Variants in GRID2 observed in about 807,000 individuals in gnomAD.
GRID2 encodes glutamate receptor ionotropic, delta-2.
GRID2 carries 33 observed loss-of-function variants against 114.8 expected under a neutral mutation model. The observed-to-expected ratio is 0.29, with a 90% CI of 0.22 to 0.38. GRID2 has a LOEUF of 0.38. Ranked by LOEUF, GRID2 falls within the 10% of genes least tolerant of loss-of-function variation. The pLI, the probability that GRID2 is intolerant of heterozygous loss-of-function variation, is 1.00. For missense variants in GRID2, 1,184 were observed against 1,257.7 expected, an observed-to-expected ratio of 0.94 and a Z score of 0.89; for synonymous variants, 505 against 449.9, an observed-to-expected ratio of 1.12 and a Z score of -1.55.
In GRID2 at chr4:93,232,274, A is replaced by T. The variant is rs1746238696; in HGVS notation, c.1126-6097A>T. Among the ~76,000 whole-genome samples, 5 of 152,278 alleles carry T rather than the reference A, an allele frequency of 3.3e-5. 1 individual carries two copies. In the South Asian group the frequency reaches 1.0e-3, roughly 32 times the overall value. ...TCAAAATTATGTGATTGCACATAAA[A>T]TCACTGGACATTTTCTATGTATTCT... On this transcript the variant is annotated intron_variant, in intron 7 of 15. Coordinates refer to ENST00000282020, the MANE Select transcript of GRID2 (RefSeq NM_001510.4).
intron 1 of GRID2, among the ~76,000 whole-genome samples, chr4:92,566,743 A>C (rs2149187747): frequency 1.3e-5 from 2 of 152,172 alleles, no homozygotes; most frequent in Middle Eastern, 6.8e-3. Flanking sequence ...TAACTATGAA[A>C]ACTAGAAATA....
chr4:92,427,159 A>G (rs1579340062), intron 1 of GRID2, among the ~76,000 whole-genome samples: 1 of 152,156 alleles, frequency 6.6e-6, no homozygotes, highest in Non-Finnish European at 1.5e-5. Flanking sequence ...TATCAGAAGG[A>G]TGCTCCAAAT....
chr4:92,719,233 C>T (rs944451653), intron 2 of GRID2, among the ~76,000 whole-genome samples: 4 of 152,050 alleles, frequency 2.6e-5, no homozygotes, highest in Non-Finnish European at 4.4e-5. Context: ...ATGATCCACT[C>T]GCCTCAGTCT....
At chr4:92,407,059 C>T (rs888368762) in intron 1 of GRID2, among the ~76,000 whole-genome samples, 3 of 150,442 alleles carry the variant, frequency 2.0e-5, no homozygotes, top group Non-Finnish European at 3.0e-5. Context: ...AAGCAAGGCA[C>T]CTCTTACATG....
chr4:92,751,394 GTATT>G (rs530764834), intron 2 of GRID2, among the ~76,000 whole-genome samples: 2 of 152,138 alleles, frequency 1.3e-5, no homozygotes, highest in African/African-American at 4.8e-5. Flanking sequence ...TAAAATGAAA[GTATT>G]TGTTTACCTA....
At chr4:93,049,735 A>T (rs1002202386) in intron 2 of GRID2, among the ~76,000 whole-genome samples, 2 of 151,938 alleles carry the variant, frequency 1.3e-5, no homozygotes, top group African/African-American at 4.8e-5. Context: ...TTTTTTGCTC[A>T]CTAATATAAA....
At chr4:93,268,933 G>A (rs1320407306) in intron 8 of GRID2, among the ~76,000 whole-genome samples, 1 of 152,046 alleles carries the variant, frequency 6.6e-6, no homozygotes, top group African/African-American at 2.4e-5. Context: ...TCCCTTTCCT[G>A]AGCCTATTTT....
chr4:93,723,979 C>T (rs1210426281), intron 14 of GRID2, among the ~76,000 whole-genome samples: 1 of 152,198 alleles, frequency 6.6e-6, no homozygotes, highest in Non-Finnish European at 1.5e-5. Flanking sequence ...ACTTCCAAGG[C>T]TCTCTGTCAA....
chr4:92,591,133 A>G (rs1007194998), intron 2 of GRID2, among the ~76,000 whole-genome samples: 3 of 152,004 alleles, frequency 2.0e-5, no homozygotes, highest in Non-Finnish European at 4.4e-5. Context: ...CCTTCAGGAG[A>G]TGATTAGGTC....
chr4:93,257,645 T>C (rs535370531), intron 8 of GRID2, among the ~76,000 whole-genome samples: 1 of 151,694 alleles, frequency 6.6e-6, no homozygotes, highest in South Asian at 2.1e-4. Context: ...AATAAAATAT[T>C]CCAATGCATT....
chr4:92,922,004 G>T (rs996218846), intron 2 of GRID2, among the ~76,000 whole-genome samples: 1 of 152,206 alleles, frequency 6.6e-6, no homozygotes, highest in African/African-American at 2.4e-5. Flanking sequence ...CCCAGTTCAA[G>T]CTTCCTGGCC....
intron 4 of GRID2, among the ~76,000 whole-genome samples, chr4:93,128,728 G>C (rs1030069976): frequency 2.0e-5 from 3 of 152,176 alleles, no homozygotes; most frequent in African/African-American, 7.2e-5. Context: ...ACACAAGTTT[G>C]CCTTTTCTGG....
intron 14 of GRID2, among the ~76,000 whole-genome samples, chr4:93,719,320 C>A (rs2110189878): frequency 6.6e-6 from 1 of 151,724 alleles, no homozygotes; most frequent in South Asian, 2.1e-4. Context: ...TAAGCAACTG[C>A]AAATTTGTGA....
At chr4:92,706,227 T>C (rs11941174) in intron 2 of GRID2, among the ~76,000 whole-genome samples, 3,068 of 152,254 alleles carry the variant, frequency 0.02, 125 homozygotes, top group African/African-American at 0.068. Context: ...TGTGGAAAGA[T>C]GTTACAGTTC....
intron 14 of GRID2, among the ~76,000 whole-genome samples, chr4:93,711,920 G>A (rs546340345): frequency 1.2e-4 from 19 of 152,254 alleles, no homozygotes; most frequent in Non-Finnish European, 2.8e-4. Flanking sequence ...TAGTTGTACC[G>A]TTTGGTATTC....
chr4:92,693,331 C>T (rs1012801964), intron 2 of GRID2, among the ~76,000 whole-genome samples: 2 of 152,126 alleles, frequency 1.3e-5, no homozygotes, highest in Non-Finnish European at 2.9e-5. Flanking sequence ...AATCTTAGAA[C>T]TGTAGTGATT....
rs559089261 is a variant in GRID2 at position 92,829,414 on chromosome 4, A to C, written c.244+239128A>C. ...ACCATCTCATGCCAGTTAGAATGGC[A>C]ATCATTTAAAAGTCAGGAAACAACA... On this transcript the variant is annotated intron_variant, in intron 2 of 15. Coordinates refer to ENST00000282020, the MANE Select transcript of GRID2 (RefSeq NM_001510.4). Among the ~76,000 whole-genome samples the C allele has an allele frequency of 7.9e-5, 12 of 152,176 alleles. No individual in the cohort carries two copies. In the East Asian group the frequency reaches 1.9e-3, roughly 25 times the overall value.
At chr4:92,962,857 G>A (rs1051846037) in intron 2 of GRID2, among the ~76,000 whole-genome samples, 1 of 151,892 alleles carries the variant, frequency 6.6e-6, no homozygotes, top group Non-Finnish European at 1.5e-5. Flanking sequence ...TCCCACAGAG[G>A]TTTCTGGTCC....
intron 2 of GRID2, among the ~76,000 whole-genome samples, chr4:92,954,310 T>A (rs965417305): frequency 2.6e-5 from 4 of 152,178 alleles, no homozygotes; most frequent in African/African-American, 9.6e-5. Flanking sequence ...GGATATGACA[T>A]CTAATTCAAC....
Sources: allele counts gnomAD v4.1 joint callset (sites outside exome capture counted in the v4.1 genomes callset), GRCh38; gene constraint gnomAD v4.1.1; transcripts MANE v1.5; gene names NCBI Gene and HGNC (gene_info 2026-07-23, HGNC 2026-07-21).